The following NT5C3A variants were observed in gnomAD, a reference collection of about 807,000 sequenced individuals.
NT5C3A encodes the protein cytosolic 5'-nucleotidase 3A.
A neutral mutation model predicts 40.0 loss-of-function variants in NT5C3A; 23 were observed. The ratio of observed to expected loss-of-function variants is 0.58; its 90% confidence interval spans 0.41 to 0.81. The LOEUF is 0.81. NT5C3A is among the 40% of genes least tolerant of loss of function. NT5C3A has a pLI of 0.00. For missense variants in NT5C3A, 328 were observed against 403.0 expected, an observed-to-expected ratio of 0.81 and a Z score of 1.59; for synonymous variants, 130 against 141.4, an observed-to-expected ratio of 0.92 and a Z score of 0.57.
chr7:33,015,565 A>T (rs997901918), intron 8 of NT5C3A, 105 bp downstream of exon 8: 47 of 739,198 alleles, frequency 6.4e-5, no homozygotes, highest in Non-Finnish European at 6.6e-5. Flanking sequence ...CTCAAAAAAA[A>T]AAGTCTCTAA....
intron 1 of NT5C3A, among the ~76,000 whole-genome samples, chr7:33,029,942 T>C (rs1167757811): frequency 6.6e-6 from 1 of 152,138 alleles, no homozygotes; most frequent in Non-Finnish European, 1.5e-5. Context: ...CTGTGCAACA[T>C]ACAACCATTC....
chr7:33,026,682 T>C lies in NT5C3A; in HGVS notation c.237+135A>G. ...ATTTTTTTTTTTTTTTAAATAGAGA[T>C]GGGGTCTCACTATGTTGCCCAGGCT... On this transcript the variant is annotated intron_variant, in intron 2 of 8. Transcript: ENST00000610140. The C allele has an allele frequency of 6.3e-6, 4 of 630,624 alleles. No individual in the cohort carries two copies. In the South Asian group the frequency reaches 6.6e-5, roughly 10 times the overall value. The allele number at this position is 630,624 out of a possible 1,614,324, so 39.1% of individuals were successfully genotyped here. A position where few individuals can be genotyped will look rare whatever the true frequency, so the allele number is the denominator to read the frequency against.
chr7:33,021,011 T>C (rs1263183451), intron 5 of NT5C3A, among the ~76,000 whole-genome samples: 1 of 152,162 alleles, frequency 6.6e-6, no homozygotes, highest in Non-Finnish European at 1.5e-5. Context: ...AAAAAAAAAT[T>C]CTTGTTTTTA....
intron 1 of NT5C3A, among the ~76,000 whole-genome samples, chr7:33,054,241 C>G (rs151197543): frequency 0.023 from 3,567 of 151,882 alleles, 142 homozygotes; most frequent in African/African-American, 0.081. Context: ...GTAGTCCCAG[C>G]TACCTGGGAG....
chr7:33,034,451 G>A (rs1160436988), intron 1 of NT5C3A, among the ~76,000 whole-genome samples: 1 of 152,008 alleles, frequency 6.6e-6, no homozygotes, highest in Non-Finnish European at 1.5e-5. Context: ...TAAAAAAAAA[G>A]TCAACCCAAA....
At chr7:33,022,334 T>C (rs1471104144) in intron 3 of NT5C3A, among the ~76,000 whole-genome samples, 1 of 152,232 alleles carries the variant, frequency 6.6e-6, no homozygotes, top group Non-Finnish European at 1.5e-5. Flanking sequence ...ATTCAGTGAC[T>C]GCTCGCTTAC....
chr7:33,036,044 A>ATT, intron 1 of NT5C3A: 1 of 1,376,836 alleles, frequency 7.3e-7, no homozygotes, highest in Non-Finnish European at 1.0e-6. Flanking sequence ...TACACGTGAC[A>ATT]TACATAAATT....
intron 1 of NT5C3A, chr7:33,035,947 AC>A: frequency 6.2e-7 from 1 of 1,613,478 alleles, no homozygotes; most frequent in African/African-American, 1.3e-5. Flanking sequence ...TTTCACATGT[AC>A]GGCAGACTCT....
intron 2 of NT5C3A, among the ~76,000 whole-genome samples, chr7:33,025,801 A>G (rs1189591018): frequency 6.6e-6 from 1 of 152,204 alleles, no homozygotes; most frequent in Non-Finnish European, 1.5e-5. Context: ...TGGATTTTAT[A>G]TTCCTAAAGG....
chr7:33,017,490 A>C lies in NT5C3A; in HGVS notation c.642T>G (p.Val214=), dbSNP rs1182390857. 1 of 1,613,784 alleles carries C rather than the reference A, an allele frequency of 6.2e-7. No individual in the cohort carries two copies. Among genetic ancestry groups the C allele is most frequent in the South Asian group, 1.1e-5 (1 of 91,066 alleles). ...VLEEVIRQAG[V]YHPNVKVVSN... ...ACACAACTTTGACATTGGGATGATAAACACCAGCTTGACGAATAACTTCCT... is the reference window on the plus strand; with the variant it reads ...ACACAACTTTGACATTGGGATGATACACACCAGCTTGACGAATAACTTCCT... Residue 214 remains valine (V), a synonymous_variant, in exon 7 of 9, where the codon GTT becomes GTG. Transcript: ENST00000610140.
At chr7:33,049,930 A>T (rs895378557) in intron 1 of NT5C3A, among the ~76,000 whole-genome samples, 24 of 145,358 alleles carry the variant, frequency 1.7e-4, no homozygotes, top group African/African-American at 5.8e-4. Flanking sequence ...AGATCGCACC[A>T]CTGCACTCCA....
chr7:33,051,818 C>G (rs1012701731), intron 1 of NT5C3A, among the ~76,000 whole-genome samples: 1 of 152,164 alleles, frequency 6.6e-6, no homozygotes, highest in African/African-American at 2.4e-5. Flanking sequence ...CAAAGCCTCT[C>G]TAGCAAATAA....
intron 1 of NT5C3A, 80 bp from the exon 2 acceptor site, chr7:33,026,995 T>A (rs1312752149): frequency 1.2e-6 from 1 of 859,856 alleles, no homozygotes; most frequent in East Asian, 2.6e-5. Context: ...GAAACCTGTC[T>A]TATTTAAAGA....
intron 7 of NT5C3A, 134 bp downstream of exon 7, chr7:33,017,305 G>A: frequency 1.5e-6 from 1 of 651,506 alleles, no homozygotes; most frequent in South Asian, 2.0e-5. Flanking sequence ...TGAGAAGGAT[G>A]GAGTCCCACA....
intron 6 of NT5C3A, among the ~76,000 whole-genome samples, chr7:33,017,806 C>CT (rs1785419788): frequency 6.6e-6 from 1 of 152,216 alleles, no homozygotes; most frequent in African/African-American, 2.4e-5. Context: ...TCCCTTTAAT[C>CT]AATTCTAATA....
intron 6 of NT5C3A, among the ~76,000 whole-genome samples, chr7:33,018,350 T>G (rs915550029): frequency 6.6e-6 from 1 of 152,200 alleles, no homozygotes; most frequent in African/African-American, 2.4e-5. Context: ...CTTCCCTTTT[T>G]TACCCTTCCT....
intron 1 of NT5C3A, among the ~76,000 whole-genome samples, chr7:33,039,795 G>A (rs1786827281): frequency 6.6e-6 from 1 of 151,852 alleles, no homozygotes; most frequent in African/African-American, 2.4e-5. Context: ...AGTGGGAGGG[G>A]TAGAAGAGAT....
At chr7:33,053,149 T>C (rs1787437242) in intron 1 of NT5C3A, among the ~76,000 whole-genome samples, 1 of 152,142 alleles carries the variant, frequency 6.6e-6, no homozygotes, top group Non-Finnish European at 1.5e-5. Flanking sequence ...TCTAAAGATG[T>C]AATGAGCCTG....
At chr7:33,024,534 G>A (rs894598383) in intron 2 of NT5C3A, among the ~76,000 whole-genome samples, 8 of 152,100 alleles carry the variant, frequency 5.3e-5, no homozygotes, top group Non-Finnish European at 7.4e-5. Context: ...GTAGAAAGAC[G>A]GTTACCAGAG....
Sources: gnomAD v4.1 joint callset for allele counts (sites outside exome capture counted in the v4.1 genomes callset) on GRCh38, gnomAD v4.1.1 for gene constraint, MANE v1.5 for transcripts, NCBI Gene and HGNC (gene_info 2026-07-23, HGNC 2026-07-21) for gene names.